Variants in RBFOX1 observed in about 807,000 individuals in gnomAD.
The protein encoded by RBFOX1 is RNA binding fox-1 homolog 1.
In RBFOX1, 8 loss-of-function variants were observed where a neutral mutation model predicts 57.7. The observed-to-expected ratio is 0.14, with a 90% confidence interval of 0.08 to 0.25. The LOEUF is 0.25. RBFOX1 is among the 10% of genes least tolerant of loss of function. The pLI, the probability that RBFOX1 is intolerant of heterozygous loss-of-function variation, is 1.00. For synonymous variants in RBFOX1, 326 were observed against 222.4 expected (o/e 1.47, Z -4.15); for missense variants, 611 against 548.5 (o/e 1.11, Z -1.14).
chr16:6,909,880 C>T (rs1212625082), intron 3 of RBFOX1, among the ~76,000 whole-genome samples: 1 of 152,106 alleles, frequency 6.6e-6, no homozygotes, highest in African/African-American at 2.4e-5. Flanking sequence ...AATTTGCCTG[C>T]ATATCGGTTC....
intron 4 of RBFOX1, among the ~76,000 whole-genome samples, chr16:5,963,718 A>C (rs2152290840): frequency 6.6e-6 from 1 of 152,320 alleles, no homozygotes; most frequent in East Asian, 1.9e-4. Flanking sequence ...CAGAAGAGTG[A>C]AATTAGATCC....
intron 1 of RBFOX1, among the ~76,000 whole-genome samples, chr16:6,245,095 C>G (rs573352945): frequency 1.3e-5 from 2 of 152,128 alleles, no homozygotes; most frequent in South Asian, 2.1e-4. Context: ...CCCTGGGATG[C>G]AGAACATTGC....
intron 4 of RBFOX1, among the ~76,000 whole-genome samples, chr16:5,995,476 A>G (rs2060474451): frequency 1.3e-5 from 2 of 152,020 alleles, no homozygotes; most frequent in South Asian, 4.1e-4. Flanking sequence ...AGAGAGGGAG[A>G]AAAAAAATAA....
At chr16:7,407,074 A>G (rs1461468298) in intron 4 of RBFOX1, among the ~76,000 whole-genome samples, 1 of 151,760 alleles carries the variant, frequency 6.6e-6, no homozygotes, top group Non-Finnish European at 1.5e-5. Flanking sequence ...AATGTTTTTT[A>G]TTTTCATAGG....
chr16:7,601,770 T>C (rs1234768202), intron 9 of RBFOX1, among the ~76,000 whole-genome samples: 1 of 152,200 alleles, frequency 6.6e-6, no homozygotes, highest in East Asian at 1.9e-4. Context: ...AATAAGTCTG[T>C]CTGTGAGGCA....
intron 2 of RBFOX1, among the ~76,000 whole-genome samples, chr16:5,583,499 G>C (rs2046740323): frequency 6.6e-6 from 1 of 151,918 alleles, no homozygotes; most frequent in African/African-American, 2.4e-5. Context: ...ACTTTTTTTT[G>C]TCTGTAAATT....
intron 4 of RBFOX1, among the ~76,000 whole-genome samples, chr16:7,158,311 A>G (rs1488946511): frequency 6.6e-6 from 1 of 152,146 alleles, no homozygotes; most frequent in Non-Finnish European, 1.5e-5. Flanking sequence ...ACATCACTGC[A>G]CTCTACCCTG....
chr16:5,284,988 A>G (rs1190259636), intron 1 of RBFOX1, among the ~76,000 whole-genome samples: 1 of 151,704 alleles, frequency 6.6e-6, no homozygotes, highest in Non-Finnish European at 1.5e-5. Context: ...AGCTTCCTGT[A>G]TTTGGATCTA....
chr16:5,689,438 G>T (rs1314666123), intron 3 of RBFOX1, among the ~76,000 whole-genome samples: 1 of 152,188 alleles, frequency 6.6e-6, no homozygotes. Flanking sequence ...TGAGGGTGGG[G>T]AAAGCGGAGG....
At chr16:7,207,599 T>G (rs551843018) in intron 4 of RBFOX1, among the ~76,000 whole-genome samples, 1 of 152,208 alleles carries the variant, frequency 6.6e-6, no homozygotes, top group African/African-American at 2.4e-5. Context: ...ATGGAAACTA[T>G]GACAGCAAAA....
intron 5 of RBFOX1, among the ~76,000 whole-genome samples, chr16:7,543,385 G>C (rs761326503): frequency 1.3e-5 from 2 of 152,170 alleles, no homozygotes; most frequent in African/African-American, 4.8e-5. Context: ...TTACAGGCCT[G>C]GTAATGATCA....
intron 3 of RBFOX1, among the ~76,000 whole-genome samples, chr16:5,741,171 G>A (rs150044123): frequency 1.3e-5 from 2 of 152,188 alleles, no homozygotes; most frequent in East Asian, 1.9e-4. Context: ...CAACTTCCAC[G>A]AGCAGAGTCT....
chr16:6,974,319 C>T (rs1408181223), intron 3 of RBFOX1, among the ~76,000 whole-genome samples: 1 of 139,650 alleles, frequency 7.2e-6, no homozygotes, highest in Non-Finnish European at 1.5e-5. Flanking sequence ...TGATATAAAT[C>T]ACATTTTTTT....
intron 3 of RBFOX1, among the ~76,000 whole-genome samples, chr16:5,693,806 TCTCA>T (rs918152066): frequency 6.6e-6 from 1 of 152,174 alleles, no homozygotes; most frequent in African/African-American, 2.4e-5. Context: ...GTAGGCAACT[TCTCA>T]CTCCTCAAAC....
rs75373839 is a variant in RBFOX1, at chr16:7,288,113, G to T, written c.28-230034G>T. Among the ~76,000 whole-genome samples the T allele has an allele frequency of 3.9e-3, 598 of 152,160 alleles. 5 individuals are homozygous for T. The highest frequency in any genetic ancestry group is 0.014 in the African/African-American group (569 of 41,496). ...TCTGAGATTTTTCTACCTTCACCCTGGTTTCCATATAACAGGGAAATCCTA... is the reference window on the plus strand; with the variant it reads ...TCTGAGATTTTTCTACCTTCACCCTTGTTTCCATATAACAGGGAAATCCTA... On this transcript the variant is annotated intron_variant, in intron 4 of 15. Transcript: ENST00000550418.
intron 4 of RBFOX1, among the ~76,000 whole-genome samples, chr16:7,222,829 C>CTGCA (rs1465939190): frequency 2.0e-5 from 3 of 152,208 alleles, no homozygotes; most frequent in Admixed American, 1.3e-4. Flanking sequence ...TCATGAAAGA[C>CTGCA]TGCAGTGTTC....
intron 3 of RBFOX1, among the ~76,000 whole-genome samples, chr16:5,668,545 G>C (rs1384374201): frequency 1.3e-5 from 2 of 152,190 alleles, no homozygotes; most frequent in African/African-American, 4.8e-5. Context: ...TAACAGGGTG[G>C]ACTGAGGCTG....
chr16:7,194,961 C>T (rs550355381), intron 4 of RBFOX1, among the ~76,000 whole-genome samples: 107 of 148,716 alleles, frequency 7.2e-4, no homozygotes, highest in Middle Eastern at 3.6e-3. Context: ...AATTCAAAGA[C>T]AGCTGAATAA....
chr16:6,456,648 G>T (rs1394610260), intron 2 of RBFOX1, among the ~76,000 whole-genome samples: 2 of 152,196 alleles, frequency 1.3e-5, no homozygotes, highest in African/African-American at 4.8e-5. Context: ...TGGAAGGAGA[G>T]AGGAGAGGAA....
Sources: allele counts gnomAD v4.1 joint callset (sites outside exome capture counted in the v4.1 genomes callset), GRCh38; gene constraint gnomAD v4.1.1; transcripts MANE v1.5; gene names NCBI Gene and HGNC (gene_info 2026-07-23, HGNC 2026-07-21).